The following FRYL variants were observed in gnomAD, a reference collection of about 807,000 sequenced individuals.
FRYL encodes the protein FRY like transcription coactivator, also known as protein furry homolog-like.
FRYL carries 150 observed loss-of-function variants against 351.2 expected under a neutral mutation model. The ratio of observed to expected loss-of-function variants is 0.43; its 90% CI spans 0.37 to 0.49. The LOEUF is 0.49. Ranked by LOEUF, FRYL falls within the 20% of genes least tolerant of loss-of-function variation. FRYL has a pLI of 0.00. For missense variants in FRYL, 3,036 were observed against 3,619.3 expected, an observed-to-expected ratio of 0.84 and a Z score of 4.13; for synonymous variants, 1,153 against 1,257.1, an observed-to-expected ratio of 0.92 and a Z score of 1.75.
chr4:48,587,543 ATTTTTT>A (rs1390406929), intron 18 of FRYL, among the ~76,000 whole-genome samples: 1 of 151,340 alleles, frequency 6.6e-6, no homozygotes, highest in Admixed American at 6.6e-5. Context: ...TTTTATTTTT[ATTTTTT>A]ATTTTTTTTT....
intron 55 of FRYL, among the ~76,000 whole-genome samples, chr4:48,515,984 A>G (rs1439716230): frequency 2.0e-5 from 3 of 152,108 alleles, no homozygotes. Context: ...ACTCAAAATA[A>G]TTAACCCACT....
chr4:48,724,749 TAAC>T (rs767164511), intron 1 of FRYL, among the ~76,000 whole-genome samples: 6 of 152,216 alleles, frequency 3.9e-5, no homozygotes, highest in Non-Finnish European at 5.9e-5. Context: ...AAATGCGTAT[TAAC>T]AACTTCATAA....
At chr4:48,610,342 T>C (rs1299972858) in intron 7 of FRYL, among the ~76,000 whole-genome samples, 11 of 152,088 alleles carry the variant, frequency 7.2e-5, no homozygotes, top group Admixed American at 1.3e-4. Flanking sequence ...GTTCCTATTA[T>C]GTAAAACAAA....
rs1049632643 is a variant in FRYL at position 48,704,519 on chromosome 4, A to G, written c.-204+6000T>C. ...CCCAAGCTTTTAAAAAACAACAACAACAACACCACAAGGCTGGGCATGGTG... is the reference window on the plus strand; with the variant it reads ...CCCAAGCTTTTAAAAAACAACAACAGCAACACCACAAGGCTGGGCATGGTG... On this transcript the variant is annotated intron_variant, in intron 2 of 63. Coordinates refer to ENST00000358350, the MANE Select transcript of FRYL (RefSeq NM_015030.2). 7.9e-5 allele frequency among the ~76,000 whole-genome samples: 12 copies of G among 152,286 alleles called. 1 individual carries two copies. The East Asian group carries it at 1.4e-3, about 17-fold the overall frequency.
At chr4:48,552,448 T>A (rs144655264) in intron 36 of FRYL, among the ~76,000 whole-genome samples, 1 of 145,148 alleles carries the variant, frequency 6.9e-6, no homozygotes, top group African/African-American at 2.5e-5. Flanking sequence ...ATATTTTTTT[T>A]AATATTCTAC....
Position 48,535,702 on chromosome 4 carries a change from G to A in FRYL, c.6519C>T (p.Asp2173=), listed in dbSNP as rs1290342078. The change falls in exon 48 of 64, where the codon GAC becomes GAT. Residue 2173 remains aspartate (D), a synonymous_variant. Transcript: ENST00000358350. ...GATTAAATGTTGTATCTGAGAAGGAGTCATGCAGGTATCTGCACACGACAT... is the reference window on the plus strand; with the variant it reads ...GATTAAATGTTGTATCTGAGAAGGAATCATGCAGGTATCTGCACACGACAT... ...WINVVCRYLH[D]SFSDTTFNLV... is the part of the protein sequence containing the mutation. The A allele has an allele frequency of 1.9e-6, 3 of 1,606,108 alleles. No individual in the cohort carries two copies. The highest frequency in any genetic ancestry group is 3.3e-4 in the Middle Eastern group (2 of 6,022).
chr4:48,531,738 T>A (rs1428675232), intron 49 of FRYL, among the ~76,000 whole-genome samples: 2 of 152,354 alleles, frequency 1.3e-5, no homozygotes, highest in South Asian at 4.1e-4. Flanking sequence ...AAAATTTAAG[T>A]ATTTTAAGTC....
chr4:48,701,862 AGT>A (rs1230406551), intron 2 of FRYL, among the ~76,000 whole-genome samples: 2 of 152,178 alleles, frequency 1.3e-5, no homozygotes, highest in African/African-American at 4.8e-5. Context: ...CATTACCCCC[AGT>A]AAGTCATAAG....
intron 42 of FRYL, among the ~76,000 whole-genome samples, chr4:48,545,375 A>G (rs1215677622): frequency 6.6e-6 from 1 of 152,254 alleles, no homozygotes; most frequent in East Asian, 1.9e-4. Flanking sequence ...CTCTTTATTA[A>G]CACAGGCCCA....
chr4:48,627,099 C>A (rs1166653623), intron 4 of FRYL, among the ~76,000 whole-genome samples: 2 of 152,118 alleles, frequency 1.3e-5, no homozygotes, highest in African/African-American at 4.8e-5. Flanking sequence ...AATTAACTAG[C>A]TCTAACACTT....
At chr4:48,604,362 T>C (rs544971987) in intron 11 of FRYL, among the ~76,000 whole-genome samples, 1 of 152,312 alleles carries the variant, frequency 6.6e-6, no homozygotes, top group South Asian at 2.1e-4. Context: ...CCAAAATTCA[T>C]GTTGAAGTCC....
intron 3 of FRYL, among the ~76,000 whole-genome samples, chr4:48,671,102 C>A (rs1477061602): frequency 2.0e-5 from 3 of 152,136 alleles, no homozygotes; most frequent in Non-Finnish European, 4.4e-5. Context: ...CACATCCTCA[C>A]CAGCGTTTGT....
chr4:48,773,032 T>C (rs555786147), intron 1 of FRYL, among the ~76,000 whole-genome samples: 19 of 152,250 alleles, frequency 1.2e-4, no homozygotes, highest in Non-Finnish European at 1.9e-4. Flanking sequence ...TGATCAAAAA[T>C]AGTCACTCAA....
chr4:48,685,915 G>A (rs1307119698), intron 2 of FRYL, among the ~76,000 whole-genome samples: 19 of 152,088 alleles, frequency 1.2e-4, no homozygotes, highest in African/African-American at 3.4e-4. Flanking sequence ...CACCACGCCC[G>A]GCTAATTTTT....
At chr4:48,775,216 C>A (rs1229042703) in intron 1 of FRYL, among the ~76,000 whole-genome samples, 1 of 152,168 alleles carries the variant, frequency 6.6e-6, no homozygotes, top group Admixed American at 6.5e-5. Context: ...AGAGGCTATG[C>A]CGAAAAATAA....
At chr4:48,616,150 T>C (rs1057463303) in intron 7 of FRYL, among the ~76,000 whole-genome samples, 2 of 151,694 alleles carry the variant, frequency 1.3e-5, no homozygotes, top group Non-Finnish European at 2.9e-5. Context: ...CAAACCATCA[T>C]GGCACCTGTA....
intron 17 of FRYL, among the ~76,000 whole-genome samples, chr4:48,590,078 A>T (rs1742923213): frequency 1.3e-5 from 2 of 152,230 alleles, no homozygotes; most frequent in South Asian, 4.1e-4. Context: ...AATTATGCAG[A>T]GGACTAAAAC....
chr4:48,586,507 G>A (rs1050066046), intron 19 of FRYL, 114 bp downstream of exon 19: 48 of 664,752 alleles, frequency 7.2e-5, no homozygotes, highest in Admixed American at 5.6e-4. Context: ...TCAGATAAAG[G>A]ATTAGAAATG....
At chr4:48,521,484 C>T (rs143520988) in intron 54 of FRYL, among the ~76,000 whole-genome samples, 125 of 152,290 alleles carry the variant, frequency 8.2e-4, no homozygotes, top group African/African-American at 2.9e-3. Flanking sequence ...ACTATGTTAA[C>T]CTTGAGCTGA....
Sources: allele counts gnomAD v4.1 joint callset (sites outside exome capture counted in the v4.1 genomes callset), GRCh38; gene constraint gnomAD v4.1.1; transcripts MANE v1.5; gene names NCBI Gene and HGNC (gene_info 2026-07-23, HGNC 2026-07-21).